ANKS1B: variants seen among roughly 807,000 people sequenced by gnomAD.
ANKS1B encodes the protein ankyrin repeat and sterile alpha motif domain containing 1B.
In ANKS1B, 36 loss-of-function variants were observed where a neutral mutation model predicts 148.3. The ratio of observed to expected loss-of-function variants is 0.24; its 90% CI spans 0.19 to 0.32. The LOEUF (loss-of-function observed/expected upper bound fraction) is 0.32, where lower values mean the gene tolerates loss of function less well. Among genes scored for constraint, ANKS1B ranks in the 10% least tolerant of loss-of-function variants. ANKS1B has a pLI of 1.00. For synonymous variants in ANKS1B, 542 were observed against 560.8 expected (o/e 0.97, Z 0.47); for missense variants, 1,157 against 1,542.6 (o/e 0.75, Z 4.19).
chr12:99,880,741 C>CAA (rs2092428423), intron 1 of ANKS1B, among the ~76,000 whole-genome samples: 1 of 152,122 alleles, frequency 6.6e-6, no homozygotes. Flanking sequence ...AATGTGTTTT[C>CAA]TAAGTCTATC....
intron 17 of ANKS1B, among the ~76,000 whole-genome samples, chr12:98,880,472 T>C (rs73139171): frequency 0.1 from 15,269 of 152,130 alleles, 909 homozygotes; most frequent in Middle Eastern, 0.17. Flanking sequence ...CTTTACAAGA[T>C]GGGTAGGTTT....
chr12:99,587,896 G>A (rs563514094), intron 9 of ANKS1B, among the ~76,000 whole-genome samples: 2 of 152,140 alleles, frequency 1.3e-5, no homozygotes, highest in African/African-American at 2.4e-5. Context: ...ATAAGGAGGA[G>A]TATCCAATAG....
At chr12:98,857,699 A>C (rs757407981) in intron 17 of ANKS1B, among the ~76,000 whole-genome samples, 1 of 152,170 alleles carries the variant, frequency 6.6e-6, no homozygotes, top group African/African-American at 2.4e-5. Flanking sequence ...GAGGATTAAG[A>C]AGCATTAAAA....
chr12:98,770,059 G>A (rs1043388443), intron 25 of ANKS1B, among the ~76,000 whole-genome samples: 1 of 152,178 alleles, frequency 6.6e-6, no homozygotes, highest in African/African-American at 2.4e-5. Flanking sequence ...GTTAACTGAC[G>A]TCAGCAGGCA....
chr12:99,379,443 G>A (rs1417898920), intron 12 of ANKS1B, among the ~76,000 whole-genome samples: 1 of 152,196 alleles, frequency 6.6e-6, no homozygotes, highest in African/African-American at 2.4e-5. Flanking sequence ...TAGGGTTGTT[G>A]TGAGAATTAA....
chr12:98,961,415 T>C (rs1305062292), intron 17 of ANKS1B, among the ~76,000 whole-genome samples: 1 of 152,062 alleles, frequency 6.6e-6, no homozygotes, highest in African/African-American at 2.4e-5. Flanking sequence ...GAAGGAGAAA[T>C]AATAACTTTC....
At chr12:99,639,812 A>C (rs2153417801) in intron 9 of ANKS1B, among the ~76,000 whole-genome samples, 1 of 152,290 alleles carries the variant, frequency 6.6e-6, no homozygotes, top group African/African-American at 2.4e-5. Flanking sequence ...TTCCTTTATA[A>C]ATTACCCAGT....
chr12:99,459,486 A>C (rs1026548703), intron 10 of ANKS1B, among the ~76,000 whole-genome samples: 4 of 152,148 alleles, frequency 2.6e-5, no homozygotes, highest in African/African-American at 9.7e-5. Context: ...TTTGCTGATG[A>C]CATGATCACA....
At chr12:99,935,025 C>T (rs2094724110) in intron 1 of ANKS1B, among the ~76,000 whole-genome samples, 2 of 151,682 alleles carry the variant, frequency 1.3e-5, no homozygotes, top group South Asian at 4.1e-4. Flanking sequence ...AATGTATATA[C>T]AGTCCTTTCT....
chr12:99,138,878 T>C (rs1001556099), intron 15 of ANKS1B, among the ~76,000 whole-genome samples: 10 of 152,100 alleles, frequency 6.6e-5, no homozygotes, highest in African/African-American at 2.4e-4. Flanking sequence ...ATCTCTTCCA[T>C]CTCCATCATA....
intron 22 of ANKS1B, among the ~76,000 whole-genome samples, chr12:98,791,960 T>A (rs1333863381): frequency 6.6e-6 from 1 of 152,154 alleles, no homozygotes; most frequent in South Asian, 2.1e-4. Context: ...TCCAACCCAT[T>A]CCCTCTATTG....
intron 17 of ANKS1B, among the ~76,000 whole-genome samples, chr12:98,889,446 C>G (rs2152641501): frequency 6.6e-6 from 1 of 152,162 alleles, no homozygotes; most frequent in South Asian, 2.1e-4. Flanking sequence ...CTCCCGGGCT[C>G]AAGCGATTCT....
At chr12:99,218,573 G>C (rs1205554784) in intron 14 of ANKS1B, among the ~76,000 whole-genome samples, 2 of 152,076 alleles carry the variant, frequency 1.3e-5, no homozygotes, top group African/African-American at 4.8e-5. Context: ...CCAACCCCCT[G>C]GAAAGATTCA....
exon 10 of ANKS1B, chr12:98,735,499 C>T: frequency 1.6e-6 from 1 of 629,114 alleles, no homozygotes; most frequent in Non-Finnish European, 3.1e-6. Flanking sequence ...GTGAAGGATT[C>T]AAGCTAAATA....
intron 15 of ANKS1B, among the ~76,000 whole-genome samples, chr12:99,095,197 A>T (rs2153658430): frequency 6.6e-6 from 1 of 152,302 alleles, no homozygotes; most frequent in African/African-American, 2.4e-5. Flanking sequence ...GACTCCATGG[A>T]CCCAGCAATT....
intron 4 of ANKS1B, among the ~76,000 whole-genome samples, chr12:99,782,515 T>C (rs1466930095): frequency 6.6e-6 from 1 of 152,102 alleles, no homozygotes. Context: ...GCCAAGATCA[T>C]GCCACTGCAC....
intron 15 of ANKS1B, among the ~76,000 whole-genome samples, chr12:99,118,449 G>A (rs2061933433): frequency 6.6e-6 from 1 of 152,158 alleles, no homozygotes; most frequent in African/African-American, 2.4e-5. Flanking sequence ...CTTTTATTGT[G>A]CAGCTTTATA....
chr12:99,933,444 T>C (rs2094678386), intron 1 of ANKS1B, among the ~76,000 whole-genome samples: 1 of 152,122 alleles, frequency 6.6e-6, no homozygotes, highest in Non-Finnish European at 1.5e-5. Flanking sequence ...CTTGCATCAG[T>C]GTTGTATAGT....
chr12:99,367,655 T>C (rs1593207976), intron 12 of ANKS1B, among the ~76,000 whole-genome samples: 1 of 152,278 alleles, frequency 6.6e-6, no homozygotes, highest in Non-Finnish European at 1.5e-5. Context: ...AACAATGACA[T>C]ACTACCCAAT....
Sources: allele counts gnomAD v4.1 joint callset (sites outside exome capture counted in the v4.1 genomes callset), GRCh38; gene constraint gnomAD v4.1.1; transcripts MANE v1.5; gene names NCBI Gene and HGNC (gene_info 2026-07-23, HGNC 2026-07-21).